MYLK2: variants seen among roughly 807,000 people sequenced by gnomAD.
The protein encoded by MYLK2 is myosin light chain kinase 2, also known as myosin light chain kinase 2, skeletal/cardiac muscle.
A neutral mutation model predicts 58.2 loss-of-function variants in MYLK2; 27 were observed. The observed-to-expected ratio is 0.46, with a 90% CI of 0.34 to 0.64. The LOEUF is 0.64. Among genes scored for constraint, MYLK2 ranks in the 30% least tolerant of loss-of-function variants. MYLK2 has a pLI of 0.01. For missense variants in MYLK2, 676 were observed against 764.3 expected, an observed-to-expected ratio of 0.88 and a Z score of 1.36; for synonymous variants, 310 against 296.7, an observed-to-expected ratio of 1.04 and a Z score of -0.46.
chr20:31,820,274 C>G lies in MYLK2; in HGVS notation c.201C>G (p.Ala67=). 6.2e-7 allele frequency: 1 copy of G among 1,613,882 alleles called. No homozygotes were observed. The highest frequency in any genetic ancestry group is 1.1e-5 in the South Asian group (1 of 91,082). Reference sequence around the variant, plus strand: ...CAGAGAAAGGGGATGGTACCCTGGCCCAACCCTCAACTAGCAGCCAAGGCC... The same window carrying G: ...CAGAGAAAGGGGATGGTACCCTGGCGCAACCCTCAACTAGCAGCCAAGGCC... ...PASEKGDGTL[A]QPSTSSQGPK... Residue 67 remains alanine, a synonymous_variant, in exon 3 of 13, where the codon GCC becomes GCG. Coordinates refer to ENST00000375985, the MANE Select transcript of MYLK2 (RefSeq NM_033118.4).
chr20:31,828,812 G>A (rs1301834520), intron 8 of MYLK2, among the ~76,000 whole-genome samples: 2 of 152,174 alleles, frequency 1.3e-5, no homozygotes, highest in African/African-American at 2.4e-5. Context: ...GACAGAGGAG[G>A]ACACAAACAG....
At chr20:31,819,979 TCAA>T in intron 2 of MYLK2, 144 bp from the exon 3 acceptor site, 1 of 1,050,168 alleles carries the variant, frequency 9.5e-7, no homozygotes, top group South Asian at 1.4e-5. Context: ...CTAGGGGCCA[TCAA>T]GTGGCCCCAG....
intron 8 of MYLK2, among the ~76,000 whole-genome samples, chr20:31,829,267 A>G (rs2062294099): frequency 6.6e-6 from 1 of 152,162 alleles, no homozygotes; most frequent in Non-Finnish European, 1.5e-5. Flanking sequence ...TTTTGTCAAA[A>G]AAAGTGTTTC....
At position 31,831,852 on chromosome 20, in the gene MYLK2, A is replaced by G. The variant is rs866068753; in HGVS notation, c.1574A>G (p.Gln525Arg). Residue 525 changes from glutamine to arginine, a missense_variant, in exon 11 of 13, where the codon CAG becomes CGG. Physicochemically the swap from Gln to Arg is conservative, Grantham distance 43. Around this residue, in one of 2 missense-constraint regions of MYLK2, gnomAD observed 370 missense variants for 467.8 expected, o/e 0.79. Transcript: ENST00000375985. ...GTCTCCAACCTCATCGTCAAGGACCAGAGGTGAGGCTCACCCCAGAACCTG... is the reference window on the plus strand; with the variant it reads ...GTCTCCAACCTCATCGTCAAGGACCGGAGGTGAGGCTCACCCCAGAACCTG... ...DFVSNLIVKD[Q>R]RARMNAAQCL... 5.0e-6 allele frequency: 8 copies of G among 1,614,180 alleles called. No homozygotes were observed. In the Admixed American group the frequency reaches 8.3e-5, roughly 17 times the overall value.
At chr20:31,826,126 A>G (rs568080384) in intron 6 of MYLK2, among the ~76,000 whole-genome samples, 2 of 152,266 alleles carry the variant, frequency 1.3e-5, no homozygotes, top group African/African-American at 2.4e-5. Flanking sequence ...GAGCAACTCA[A>G]TTGTGGGGAA....
In MYLK2 at chr20:31,823,675, C is replaced by T. The variant is rs141503264; in HGVS notation, c.878+93C>T. Reference sequence around the variant, plus strand: ...TTCCCCTGTGCAAGGCCCAGACACACACCCCGCTGAGACATGGCCACATGG... The same window carrying T: ...TTCCCCTGTGCAAGGCCCAGACACATACCCCGCTGAGACATGGCCACATGG... On this transcript the variant is annotated intron_variant, in intron 5 of 12. Transcript: ENST00000375985. The T allele has an allele frequency of 4.0e-6, 5 of 1,239,648 alleles. No homozygotes were observed. In the Admixed American group the frequency reaches 5.4e-5, roughly 13 times the overall value. The allele number at this position is 1,239,648 out of a possible 1,614,324, so 76.8% of individuals were successfully genotyped here. A position where few individuals can be genotyped will look rare whatever the true frequency, so the allele number is the denominator to read the frequency against.
chr20:31,821,907 G>C (rs1336941487), intron 4 of MYLK2, among the ~76,000 whole-genome samples, 170 bp downstream of exon 4: 1 of 152,102 alleles, frequency 6.6e-6, no homozygotes, highest in African/African-American at 2.4e-5. Context: ...CTTTTTTAAC[G>C]TATGTTTATT....
At chr20:31,824,847 C>A (rs993962958) in intron 6 of MYLK2, among the ~76,000 whole-genome samples, 7 of 152,226 alleles carry the variant, frequency 4.6e-5, no homozygotes, top group Non-Finnish European at 1.0e-4. Flanking sequence ...GTGAGGGAGT[C>A]TGCTGTGTGA....
At chr20:31,822,711 C>T (rs1382976558) in intron 4 of MYLK2, among the ~76,000 whole-genome samples, 1 of 152,060 alleles carries the variant, frequency 6.6e-6, no homozygotes, top group African/African-American at 2.4e-5. Context: ...TGGTGAGCGG[C>T]ACCGTGCCAC....
At chr20:31,827,571 T>G in intron 8 of MYLK2, 1 of 982,996 alleles carries the variant, frequency 1.0e-6, no homozygotes, top group Non-Finnish European at 1.2e-6. Context: ...CAGGCTGGAG[T>G]GCAGTGGCGC....
intron 12 of MYLK2, 49 bp from the exon 13 acceptor site, chr20:31,833,668 G>T (rs1568636444): frequency 6.6e-7 from 1 of 1,526,248 alleles, no homozygotes; most frequent in Non-Finnish European, 9.1e-7. Flanking sequence ...CCCTGCAGCT[G>T]CCCCCCTGCC....
Position 31,820,223 on chromosome 20 carries a change from G to A in MYLK2, c.150G>A (p.Leu50=). The A allele has an allele frequency of 6.2e-7, 1 of 1,614,028 alleles. No individual in the cohort carries two copies. The highest frequency in any genetic ancestry group is 2.2e-5 in the East Asian group (1 of 44,884). The change falls in exon 3 of 13, where the codon CTG becomes CTA. Residue 50 remains leucine (L), a synonymous_variant. Coordinates refer to ENST00000375985, the MANE Select transcript of MYLK2 (RefSeq NM_033118.4). ...DPKKAPDPPT[L]KKDAKAPASE... ...AGAAAGCTCCGGATCCACCCACCCT[G>A]AAGAAAGATGCCAAAGCCCCTGCCT...
chr20:31,822,641 A>G (rs2062257076), intron 4 of MYLK2, among the ~76,000 whole-genome samples: 1 of 152,078 alleles, frequency 6.6e-6, no homozygotes. Flanking sequence ...GAGAACCCAG[A>G]GTGTCCTGAC....
Position 31,826,938 on chromosome 20 carries a change from G to C in MYLK2, c.1224G>C (p.Lys408Asn). 2 of 1,614,078 alleles carry C rather than the reference G, an allele frequency of 1.2e-6. No individual in the cohort carries two copies. Among genetic ancestry groups the C allele is most frequent in the Non-Finnish European group, 1.7e-6 (2 of 1,180,006 alleles). The change falls in exon 8 of 13, where the codon AAG (lysine) becomes AAC (asparagine). Residue 408 changes from lysine (K) to asparagine (N), a missense_variant and splice_region_variant. Physicochemically the swap from Lys to Asn is moderately conservative, Grantham distance 94. Coordinates refer to ENST00000375985, the MANE Select transcript of MYLK2 (RefSeq NM_033118.4). The stretch of plus-strand genomic sequence containing the variant: ...TGAGGGTTTTGCACCTGGACCTCAA[G>C]GTACCAGACTGGGGCCTCCTGGGAA... ...HKMRVLHLDLKPENILCVNTT... is the reference protein window; with the variant it reads ...HKMRVLHLDLNPENILCVNTT...
Position 31,833,602 on chromosome 20 carries a change from C to A in MYLK2, c.1711-115C>A, listed in dbSNP as rs1471516591. On this transcript the variant is annotated intron_variant, in intron 12 of 12. Coordinates refer to ENST00000375985, the MANE Select transcript of MYLK2 (RefSeq NM_033118.4). ...TCCCGTGGCCATTTTGGGCACTGCACCTTCTCTAGCCTGTGACCCTCCTGG... is the reference window on the plus strand; with the variant it reads ...TCCCGTGGCCATTTTGGGCACTGCAACTTCTCTAGCCTGTGACCCTCCTGG... 6.3e-6 allele frequency: 6 copies of A among 958,246 alleles called. No individual in the cohort carries two copies. The East Asian group carries it at 7.3e-5, about 12-fold the overall frequency. The allele number at this position is 958,246 out of a possible 1,614,324, so 59.4% of individuals were successfully genotyped here.
At chr20:31,823,646 A>C in intron 5 of MYLK2, 64 bp downstream of exon 5, 1 of 1,503,250 alleles carries the variant, frequency 6.7e-7, no homozygotes, top group South Asian at 1.1e-5. Flanking sequence ...CTGTGGCTTC[A>C]CATTTCCCCT....
chr20:31,825,531 A>G (rs964167532), intron 6 of MYLK2, among the ~76,000 whole-genome samples: 1 of 152,160 alleles, frequency 6.6e-6, no homozygotes, highest in Non-Finnish European at 1.5e-5. Context: ...AAAAGAAAAA[A>G]GAAAAGAAAA....
chr20:31,828,755 T>C, intron 8 of MYLK2: 1 of 980,086 alleles, frequency 1.0e-6, no homozygotes, highest in Non-Finnish European at 1.2e-6. Context: ...GAGGGTGCCA[T>C]CTTCCCAACA....
intron 5 of MYLK2, 152 bp downstream of exon 5, chr20:31,823,734 T>C (rs1600409105): frequency 4.4e-6 from 4 of 915,626 alleles, no homozygotes; most frequent in Non-Finnish European, 6.9e-6. Flanking sequence ...ACACACTGTG[T>C]GCAGCTGTCA....
Sources: gnomAD v4.1 joint callset for allele counts (sites outside exome capture counted in the v4.1 genomes callset) on GRCh38, gnomAD v4.1.1 for gene constraint, gnomAD v4.1.1 regional missense constraint, MANE v1.5 for transcripts, NCBI Gene and HGNC (gene_info 2026-07-23, HGNC 2026-07-21) for gene names.